WDFY2: variants seen among roughly 807,000 people sequenced by gnomAD.
WDFY2 encodes WD repeat and FYVE domain-containing protein 2.
A neutral mutation model predicts 56.4 loss-of-function variants in WDFY2; 36 were observed. That is an observed-to-expected ratio of 0.64 (90% CI 0.49 to 0.84). The LOEUF is 0.84. Ranked by LOEUF, WDFY2 falls within the 40% of genes least tolerant of loss-of-function variation. The pLI is 0.00. For synonymous variants in WDFY2, 176 were observed against 183.7 expected, an observed-to-expected ratio of 0.96 and a Z score of 0.34; for missense variants, 444 against 512.2, an observed-to-expected ratio of 0.87 and a Z score of 1.29.
chr13:51,737,699 C>T (rs1952873188), intron 6 of WDFY2, among the ~76,000 whole-genome samples: 1 of 151,806 alleles, frequency 6.6e-6, no homozygotes. Context: ...TCATCTGCTC[C>T]TTCATTCAGC....
At chr13:51,746,008 G>A (rs1338167571) in intron 7 of WDFY2, among the ~76,000 whole-genome samples, 6 of 121,960 alleles carry the variant, frequency 4.9e-5, no homozygotes, top group Non-Finnish European at 6.4e-5. Context: ...ACAGAGTCTC[G>A]CTGTGTCCCC....
chr13:51,703,394 A>G (rs187966729), intron 3 of WDFY2, among the ~76,000 whole-genome samples: 15 of 152,318 alleles, frequency 9.8e-5, no homozygotes, highest in African/African-American at 3.6e-4. Flanking sequence ...CAACACTTAT[A>G]AGGTAAAATT....
chr13:51,679,828 T>C (rs1189482571), intron 3 of WDFY2, among the ~76,000 whole-genome samples: 1 of 152,150 alleles, frequency 6.6e-6, no homozygotes, highest in African/African-American at 2.4e-5. Flanking sequence ...TAGCAATCCT[T>C]GGCATTCCGT....
chr13:51,620,266 A>G (rs1954700691), intron 1 of WDFY2, among the ~76,000 whole-genome samples: 1 of 152,186 alleles, frequency 6.6e-6, no homozygotes, highest in Admixed American at 6.5e-5. Flanking sequence ...ATAGACCCCC[A>G]TGGAGTGACC....
At chr13:51,654,782 C>A (rs1955477248) in intron 1 of WDFY2, among the ~76,000 whole-genome samples, 1 of 151,910 alleles carries the variant, frequency 6.6e-6, no homozygotes, top group Non-Finnish European at 1.5e-5. Flanking sequence ...GATGCAGAAC[C>A]TTTTTTTTCT....
chr13:51,652,916 G>C (rs1020155027), intron 1 of WDFY2, among the ~76,000 whole-genome samples: 9 of 152,082 alleles, frequency 5.9e-5, no homozygotes, highest in African/African-American at 2.2e-4. Context: ...TATCTTTGTG[G>C]TGTTCTCTGT....
rs1322872946 is a variant in WDFY2 at position 51,600,477 on chromosome 13, T to C, written c.137+15653T>C. Among the ~76,000 whole-genome samples the C allele has an allele frequency of 2.0e-5, 3 of 152,348 alleles. No homozygotes were observed. The East Asian group carries it at 5.8e-4, about 29-fold the overall frequency. ...TTCTTGCTCACACTGGCTTCCTCTG[T>C]TTCTTTCTTAGTCCACATGGCATAA... On this transcript the variant is annotated intron_variant, in intron 1 of 11. Coordinates refer to ENST00000298125, the MANE Select transcript of WDFY2 (RefSeq NM_052950.4).
intron 1 of WDFY2, among the ~76,000 whole-genome samples, chr13:51,617,048 T>A (rs1954632473): frequency 6.6e-6 from 1 of 152,246 alleles, no homozygotes; most frequent in Non-Finnish European, 1.5e-5. Context: ...TGAAAACTTT[T>A]CTTAAATTTT....
intron 2 of WDFY2, among the ~76,000 whole-genome samples, chr13:51,670,421 C>A (rs1447976624): frequency 6.6e-6 from 1 of 150,930 alleles, no homozygotes; most frequent in Non-Finnish European, 1.5e-5. Flanking sequence ...AAGGCCTGTT[C>A]CTGTGGGAGT....
rs543403286 is a variant in WDFY2, at chr13:51,628,258, AG to A, written c.138-32333del. Among the ~76,000 whole-genome samples, 191 of 152,236 alleles carry A rather than the reference AG, an allele frequency of 1.3e-3. 1 individual carries two copies. Among genetic ancestry groups the A allele is most frequent in the African/African-American group, 4.5e-3 (187 of 41,540 alleles). On this transcript the variant is annotated intron_variant, in intron 1 of 11. Coordinates refer to ENST00000298125, the MANE Select transcript of WDFY2 (RefSeq NM_052950.4). The stretch of plus-strand genomic sequence containing the variant: ...AGCTCCTCAGTGCCCAAAGTTTCAG[AG>A]GGGGCCGAGGTGGTGTTGGGGGATG...
At chr13:51,750,016 A>G (rs1366619068) in intron 7 of WDFY2, among the ~76,000 whole-genome samples, 1 of 152,210 alleles carries the variant, frequency 6.6e-6, no homozygotes, top group Non-Finnish European at 1.5e-5. Flanking sequence ...GCACACTTGT[A>G]TTCTGTTCAA....
intron 1 of WDFY2, chr13:51,590,246 T>C (rs1042459215): frequency 6.6e-6 from 1 of 152,226 alleles, no homozygotes; most frequent in African/African-American, 2.4e-5. Context: ...CCTGACCAGC[T>C]GTCTTACACC....
chr13:51,608,752 T>C (rs971677597), intron 1 of WDFY2, among the ~76,000 whole-genome samples: 2 of 152,220 alleles, frequency 1.3e-5, no homozygotes, highest in African/African-American at 4.8e-5. Context: ...ATATCAGATA[T>C]GCATATTTTG....
At chr13:51,603,699 A>G (rs1272523854) in intron 1 of WDFY2, among the ~76,000 whole-genome samples, 3 of 152,214 alleles carry the variant, frequency 2.0e-5, no homozygotes, top group Admixed American at 6.5e-5. Context: ...TTTCCAGTGT[A>G]TACTTAATTT....
chr13:51,585,777 G>A (rs897651245), intron 1 of WDFY2, among the ~76,000 whole-genome samples: 1 of 152,190 alleles, frequency 6.6e-6, no homozygotes, highest in African/African-American at 2.4e-5. Flanking sequence ...CTTAATATAA[G>A]TTCAAATCAT....
intron 1 of WDFY2, among the ~76,000 whole-genome samples, chr13:51,602,365 G>A (rs1369026112): frequency 6.6e-6 from 1 of 152,132 alleles, no homozygotes; most frequent in Non-Finnish European, 1.5e-5. Flanking sequence ...GTAACATGTT[G>A]TACAGGTTTG....
chr13:51,584,844 G>C lies in WDFY2; in HGVS notation c.137+20G>C, dbSNP rs1462761319. 3.1e-6 allele frequency: 5 copies of C among 1,612,110 alleles called. No homozygotes were observed. Among genetic ancestry groups the C allele is most frequent in the Non-Finnish European group, 4.2e-6 (5 of 1,178,802 alleles). ...GGACAGGTATGGACTACTGCCATTCGGCCGCGAGGAGGGGCGGGACGGGCC... is the reference window on the plus strand; with the variant it reads ...GGACAGGTATGGACTACTGCCATTCCGCCGCGAGGAGGGGCGGGACGGGCC... On this transcript the variant is annotated intron_variant, in intron 1 of 11. Transcript: ENST00000298125.
intron 1 of WDFY2, chr13:51,590,774 A>C (rs1954028052): frequency 6.6e-6 from 1 of 151,550 alleles, no homozygotes; most frequent in Admixed American, 6.6e-5. Flanking sequence ...AAAAAAAAAC[A>C]AAAAAAACTC....
chr13:51,645,876 G>A (rs1434319719), intron 1 of WDFY2, among the ~76,000 whole-genome samples: 1 of 152,116 alleles, frequency 6.6e-6, no homozygotes, highest in Non-Finnish European at 1.5e-5. Context: ...TGAACTTCAT[G>A]TAGACAGTTT....
Sources: allele counts gnomAD v4.1 joint callset (sites outside exome capture counted in the v4.1 genomes callset), GRCh38; gene constraint gnomAD v4.1.1; transcripts MANE v1.5; gene names NCBI Gene and HGNC (gene_info 2026-07-23, HGNC 2026-07-21).